SGCZ: variants seen among roughly 807,000 people sequenced by gnomAD.
The protein encoded by SGCZ is sarcoglycan zeta, also known as zeta-sarcoglycan.
In SGCZ, 40 loss-of-function variants were observed where a neutral mutation model predicts 41.3. The ratio of observed to expected loss-of-function variants is 0.97; its 90% CI spans 0.75 to 1.26. The LOEUF (loss-of-function observed/expected upper bound fraction) is 1.26. Among genes scored for constraint, SGCZ ranks in the 50% most tolerant of loss-of-function variants. The probability of loss-of-function intolerance (pLI) is 0.00; values close to 1 mark genes in which losing one functional copy is unlikely to be tolerated. For missense variants in SGCZ, 552 were observed against 369.8 expected (o/e 1.49, Z -4.04); for synonymous variants, 206 against 137.5 (o/e 1.50, Z -3.49).
chr8:14,552,767 C>A (rs1585073667), intron 2 of SGCZ, among the ~76,000 whole-genome samples: 3 of 151,972 alleles, frequency 2.0e-5, no homozygotes, highest in Admixed American at 1.3e-4. Flanking sequence ...TATTGGGAGT[C>A]TGATGCATGT....
At chr8:14,289,931 G>C (rs928939277) in intron 3 of SGCZ, among the ~76,000 whole-genome samples, 1 of 151,970 alleles carries the variant, frequency 6.6e-6, no homozygotes, top group African/African-American at 2.4e-5. Context: ...AGGAAAAGCA[G>C]GCACCTTCTT....
chr8:15,180,505 T>A (rs983336161), intron 1 of SGCZ, among the ~76,000 whole-genome samples: 1 of 152,104 alleles, frequency 6.6e-6, no homozygotes. Context: ...GTAAATGCTC[T>A]CTTTGATCAA....
intron 2 of SGCZ, among the ~76,000 whole-genome samples, chr8:14,444,975 G>A (rs75179584): frequency 0.039 from 5,893 of 152,154 alleles, 167 homozygotes; most frequent in African/African-American, 0.076. Flanking sequence ...TTTGGCCCAA[G>A]ACGCTTCACT....
intron 1 of SGCZ, among the ~76,000 whole-genome samples, chr8:14,666,713 C>T (rs1182766270): frequency 2.7e-5 from 4 of 147,344 alleles, no homozygotes; most frequent in Non-Finnish European, 4.5e-5. Flanking sequence ...AATTGAATTA[C>T]AGTGTAAGTT....
intron 1 of SGCZ, among the ~76,000 whole-genome samples, chr8:14,672,716 T>A (rs1311068676): frequency 6.6e-6 from 1 of 152,122 alleles, no homozygotes; most frequent in African/African-American, 2.4e-5. Context: ...AATTCTAAAT[T>A]TTTTAGTCAC....
chr8:14,950,378 C>T (rs1563385403), intron 1 of SGCZ, among the ~76,000 whole-genome samples: 1 of 151,656 alleles, frequency 6.6e-6, no homozygotes, highest in Non-Finnish European at 1.5e-5. Flanking sequence ...CCTTTCCTCC[C>T]TTCTTTCCTG....
chr8:14,578,273 C>G (rs542561742), intron 1 of SGCZ, among the ~76,000 whole-genome samples: 4 of 152,306 alleles, frequency 2.6e-5, no homozygotes, highest in South Asian at 2.1e-4. Flanking sequence ...ATACATGCAC[C>G]TTTTCCCTAA....
chr8:14,135,302 TC>T (rs2117066968), intron 5 of SGCZ, among the ~76,000 whole-genome samples: 1 of 152,348 alleles, frequency 6.6e-6, no homozygotes, highest in Admixed American at 6.5e-5. Flanking sequence ...CACTATCTCT[TC>T]CTTTCTTCTT....
intron 3 of SGCZ, among the ~76,000 whole-genome samples, chr8:14,247,389 G>T (rs993985363): frequency 6.6e-6 from 1 of 152,136 alleles, no homozygotes; most frequent in African/African-American, 2.4e-5. Flanking sequence ...GAATGATGCT[G>T]CAGGGAGCAG....
chr8:14,331,064 G>T (rs1034209391), intron 2 of SGCZ, among the ~76,000 whole-genome samples: 19 of 151,468 alleles, frequency 1.3e-4, no homozygotes, highest in African/African-American at 4.1e-4. Context: ...AATATCTAAA[G>T]ATATTATTTA....
chr8:14,714,816 T>A (rs1809635000), intron 1 of SGCZ, among the ~76,000 whole-genome samples: 1 of 152,152 alleles, frequency 6.6e-6, no homozygotes, highest in African/African-American at 2.4e-5. Flanking sequence ...GGCAAAACAA[T>A]CAGTTTTATA....
At chr8:14,957,601 A>G (rs1468809370) in intron 1 of SGCZ, among the ~76,000 whole-genome samples, 1 of 152,022 alleles carries the variant, frequency 6.6e-6, no homozygotes, top group Non-Finnish European at 1.5e-5. Flanking sequence ...TACTTGAGGT[A>G]AACTCAAGAT....
intron 1 of SGCZ, among the ~76,000 whole-genome samples, chr8:15,012,547 A>AATATTTATATATAACATATAAATAT (rs1563435911): frequency 6.1e-5 from 6 of 98,782 alleles, no homozygotes; most frequent in Non-Finnish European, 1.1e-4. Flanking sequence ...TAAAAATATG[A>AATATTTATATATAACATATAAATAT]ATATTTATAT....
In SGCZ at chr8:15,015,632, G is replaced by A. The variant is rs146903168; in HGVS notation, c.39+221953C>T. On this transcript the variant is annotated intron_variant, in intron 1 of 7. Transcript: ENST00000382080. ...GAACCCGGGAGGCAGAGCTTGCAGT[G>A]AGCCGAAATCACGCCACTGCACTCC... 8.3e-3 allele frequency among the ~76,000 whole-genome samples: 1,160 copies of A among 140,544 alleles called. 24 individuals are homozygous for A. The highest frequency in any genetic ancestry group is 0.029 in the African/African-American group (1,105 of 37,946). The allele number at this position is 140,544 out of a possible 152,430, so 92.2% of individuals were successfully genotyped here.
chr8:14,384,102 C>T (rs1347167391), intron 2 of SGCZ, among the ~76,000 whole-genome samples: 1 of 151,964 alleles, frequency 6.6e-6, no homozygotes, highest in Non-Finnish European at 1.5e-5. Flanking sequence ...TCTCCTAATG[C>T]TATCCCTCCC....
intron 1 of SGCZ, among the ~76,000 whole-genome samples, chr8:14,577,646 C>T (rs1337272786): frequency 1.3e-5 from 2 of 152,096 alleles, no homozygotes; most frequent in Non-Finnish European, 2.9e-5. Flanking sequence ...CCTCAGCCTC[C>T]CAAAGTGCTG....
At chr8:14,430,951 C>CA (rs1408613710) in intron 2 of SGCZ, among the ~76,000 whole-genome samples, 1 of 151,836 alleles carries the variant, frequency 6.6e-6, no homozygotes, top group East Asian at 1.9e-4. Flanking sequence ...ACAACAGCTG[C>CA]AAAAAATTAA....
At chr8:14,177,958 C>CTTTTTTTTTTTTTCT (rs1804602011) in intron 4 of SGCZ, among the ~76,000 whole-genome samples, 1 of 95,050 alleles carries the variant, frequency 1.1e-5, no homozygotes, top group Non-Finnish European at 2.1e-5. Flanking sequence ...CTTTTTTTTT[C>CTTTTTTTTTTTTTCT]TTTTTTTTTT....
chr8:14,444,645 C>T (rs1437633160), intron 2 of SGCZ, among the ~76,000 whole-genome samples: 1 of 137,012 alleles, frequency 7.3e-6, no homozygotes, highest in Non-Finnish European at 1.5e-5. Context: ...GGGAACATCA[C>T]ACTATGGGGA....
Sources: gnomAD v4.1 joint callset for allele counts (sites outside exome capture counted in the v4.1 genomes callset) on GRCh38, gnomAD v4.1.1 for gene constraint, MANE v1.5 for transcripts, NCBI Gene and HGNC (gene_info 2026-07-23, HGNC 2026-07-21) for gene names.